Variants in TNIK observed in about 807,000 individuals in gnomAD.
TNIK encodes TRAF2 and NCK-interacting protein kinase.
In TNIK, 49 loss-of-function variants were observed where a neutral mutation model predicts 191.3. That is an observed-to-expected ratio of 0.26 (90% confidence interval 0.20 to 0.32). The LOEUF (loss-of-function observed/expected upper bound fraction) is 0.32. Among genes scored for constraint, TNIK ranks in the 10% least tolerant of loss-of-function variants. The pLI is 1.00. For missense variants in TNIK, 1,155 were observed against 1,702.3 expected, an observed-to-expected ratio of 0.68 and a Z score of 5.66; for synonymous variants, 594 against 600.9, an observed-to-expected ratio of 0.99 and a Z score of 0.17.
chr3:171,240,328 C>T (rs528366442), intron 2 of TNIK, among the ~76,000 whole-genome samples: 12 of 152,190 alleles, frequency 7.9e-5, no homozygotes, highest in African/African-American at 2.6e-4. Flanking sequence ...GTGGAGGTTA[C>T]GAGGAAAGGC....
rs1005925421 is a variant in TNIK, at chr3:171,123,006, G to A, written c.2120+590C>T. ...ATGTACATTATTGATAGGAAATTCT[G>A]GAAGGAGGACACAGAGCAAGAGTGG... On this transcript the variant is annotated intron_variant, in intron 18 of 32. Transcript: ENST00000436636. Among the ~76,000 whole-genome samples the A allele has an allele frequency of 7.2e-5, 11 of 152,202 alleles. No homozygotes were observed. The East Asian group carries it at 2.1e-3, about 29-fold the overall frequency.
rs1246760909 is a variant in TNIK, at chr3:171,093,692, A to T, written c.2721+147T>A. 4.0e-6 allele frequency: 4 copies of T among 1,003,876 alleles called. No homozygotes were observed. In the African/African-American group the frequency reaches 4.9e-5, roughly 12 times the overall value. The allele number at this position is 1,003,876 out of a possible 1,614,324, so 62.2% of individuals were successfully genotyped here. ...AAGAAGGCAGCAGACAATTAAAATC[A>T]CTCAACTATTTGGAAGCACAGGTCC... is the stretch of plus-strand genomic sequence containing the variant. On this transcript the variant is annotated intron_variant, in intron 23 of 32. Transcript: ENST00000436636.
At chr3:171,115,290 T>C (rs574109397) in intron 18 of TNIK, among the ~76,000 whole-genome samples, 1 of 152,312 alleles carries the variant, frequency 6.6e-6, no homozygotes, top group Admixed American at 6.5e-5. Flanking sequence ...ACTCCTTTGA[T>C]TATTTAGCCA....
intron 22 of TNIK, among the ~76,000 whole-genome samples, chr3:171,095,810 G>A (rs780893254): frequency 6.6e-6 from 1 of 152,112 alleles, no homozygotes; most frequent in Non-Finnish European, 1.5e-5. Flanking sequence ...CTAAATGTGG[G>A]CTAGAACTGA....
Position 171,209,655 on chromosome 3 carries a change from T to C in TNIK, c.306+1461A>G, listed in dbSNP as rs187330031. ...TTTAGAGGCCACAATTAAAACCTAC[T>C]GTAACTTTTTTAGAATTATATAAAC... On this transcript the variant is annotated intron_variant, in intron 4 of 32. Transcript: ENST00000436636. Among the ~76,000 whole-genome samples the C allele has an allele frequency of 4.5e-4, 68 of 152,276 alleles. No homozygotes were observed. The East Asian group carries it at 8.9e-3, about 20-fold the overall frequency.
chr3:171,372,899 A>T (rs1297522498), intron 1 of TNIK, among the ~76,000 whole-genome samples: 1 of 152,188 alleles, frequency 6.6e-6, no homozygotes, highest in East Asian at 1.9e-4. Flanking sequence ...TGAGAGTAAC[A>T]AAGCAAAATA....
At chr3:171,115,331 A>AACTT (rs1172650441) in intron 18 of TNIK, among the ~76,000 whole-genome samples, 1 of 152,220 alleles carries the variant, frequency 6.6e-6, no homozygotes, top group African/African-American at 2.4e-5. Context: ...AACTTTGTGA[A>AACTT]ACTTACCGGA....
intron 2 of TNIK, among the ~76,000 whole-genome samples, chr3:171,333,944 C>T (rs1756688158): frequency 6.6e-6 from 1 of 152,196 alleles, no homozygotes; most frequent in African/African-American, 2.4e-5. Context: ...CTGGACAACC[C>T]AGGAGCCTGT....
intron 32 of TNIK, among the ~76,000 whole-genome samples, chr3:171,065,536 G>A (rs1718323867): frequency 6.6e-6 from 1 of 152,176 alleles, no homozygotes; most frequent in South Asian, 2.1e-4. Context: ...CTAAAACCTC[G>A]GGGTTACTCT....
At position 171,198,297 on chromosome 3, in the gene TNIK, C is replaced by CATACAATATACA. The variant is rs545448295; in HGVS notation, c.307-3663_307-3662insTGTATATTGTAT. Among the ~76,000 whole-genome samples the CATACAATATACA allele has an allele frequency of 4.5e-3, 690 of 151,816 alleles. 9 individuals carry two copies. The highest frequency in any genetic ancestry group is 0.016 in the African/African-American group (647 of 41,358). ...AAAAGAGAAGCCAGACAAAAAAGGC[C>CATACAATATACA]ATATATTGTATGATTCCATTTACAT... On this transcript the variant is annotated intron_variant, in intron 4 of 32. Coordinates refer to ENST00000436636, the MANE Select transcript of TNIK (RefSeq NM_015028.4).
chr3:171,421,509 C>T (rs1723793150), intron 1 of TNIK, among the ~76,000 whole-genome samples: 1 of 152,152 alleles, frequency 6.6e-6, no homozygotes, highest in African/African-American at 2.4e-5. Flanking sequence ...ATGGTACCAC[C>T]AGCCCTTTTG....
chr3:171,441,298 A>C (rs1726770336), intron 1 of TNIK, among the ~76,000 whole-genome samples: 1 of 152,138 alleles, frequency 6.6e-6, no homozygotes, highest in Non-Finnish European at 1.5e-5. Context: ...CCTCCGGCCC[A>C]TTTACAGGCA....
At chr3:171,458,052 C>T (rs1304121512) in intron 1 of TNIK, among the ~76,000 whole-genome samples, 1 of 152,176 alleles carries the variant, frequency 6.6e-6, no homozygotes, top group Non-Finnish European at 1.5e-5. Flanking sequence ...TCACATCAGA[C>T]TGCTTTCCAG....
intron 9 of TNIK, among the ~76,000 whole-genome samples, chr3:171,174,272 T>C (rs1735703762): frequency 6.6e-6 from 1 of 151,960 alleles, no homozygotes; most frequent in Admixed American, 6.6e-5. Context: ...GTGGGAAACA[T>C]GAGGACCCCA....
intron 12 of TNIK, among the ~76,000 whole-genome samples, chr3:171,145,328 C>T (rs1017690640): frequency 3.3e-5 from 5 of 152,004 alleles, no homozygotes; most frequent in African/African-American, 7.3e-5. Flanking sequence ...CCTCATGATC[C>T]GCCCGCCTCG....
At position 171,082,242 on chromosome 3, in the gene TNIK, G is replaced by A. The variant is rs1166364687; in HGVS notation, c.3313+9C>T. On this transcript the variant is annotated intron_variant, in intron 27 of 32. Transcript: ENST00000436636. Reference sequence around the variant, plus strand: ...TGGACCTGGGGGACTCATCATCTTAGTAACATACCTGAAATTGTCACAAGG... The same window carrying A: ...TGGACCTGGGGGACTCATCATCTTAATAACATACCTGAAATTGTCACAAGG... 1 of 1,611,298 alleles carries A rather than the reference G, an allele frequency of 6.2e-7. No individual in the cohort carries two copies.
At chr3:171,365,076 C>T (rs1715501464) in intron 2 of TNIK, among the ~76,000 whole-genome samples, 1 of 141,724 alleles carries the variant, frequency 7.1e-6, no homozygotes, top group Non-Finnish European at 1.5e-5. Context: ...ATTGCCTGGA[C>T]AACAGGAGAT....
intron 2 of TNIK, among the ~76,000 whole-genome samples, chr3:171,351,535 T>C (rs189324146): frequency 2.2e-4 from 34 of 152,326 alleles, no homozygotes; most frequent in Admixed American, 8.5e-4. Flanking sequence ...CTCATGTTCT[T>C]GTTCTTTTTC....
At chr3:171,190,291 T>C (rs1026734329) in intron 6 of TNIK, among the ~76,000 whole-genome samples, 1 of 152,200 alleles carries the variant, frequency 6.6e-6, no homozygotes, top group Non-Finnish European at 1.5e-5. Flanking sequence ...CTTAAACCTA[T>C]GGGAATATAG....
Sources: gnomAD v4.1 joint callset for allele counts (sites outside exome capture counted in the v4.1 genomes callset) on GRCh38, gnomAD v4.1.1 for gene constraint, MANE v1.5 for transcripts, NCBI Gene and HGNC (gene_info 2026-07-23, HGNC 2026-07-21) for gene names.